CERS6: variants seen among roughly 807,000 people sequenced by gnomAD.
CERS6 encodes ceramide synthase 6, also known as LAG1 homolog, ceramide synthase 6.
A neutral mutation model predicts 56.8 loss-of-function variants in CERS6; 26 were observed. The ratio of observed to expected loss-of-function variants is 0.46; its 90% CI spans 0.34 to 0.63. The LOEUF (loss-of-function observed/expected upper bound fraction) is 0.63. Among genes scored for constraint, CERS6 ranks in the 30% least tolerant of loss-of-function variants. CERS6 has a pLI of 0.01. For synonymous variants in CERS6, 164 were observed against 173.3 expected (o/e 0.95, Z 0.42); for missense variants, 415 against 467.5 (o/e 0.89, Z 1.04).
chr2:168,639,152 T>C (rs1273556612), intron 4 of CERS6, among the ~76,000 whole-genome samples: 2 of 152,172 alleles, frequency 1.3e-5, no homozygotes, highest in African/African-American at 4.8e-5. Context: ...AAGTTTAGAG[T>C]TGAACTTGAC....
chr2:168,532,974 AATAAAT>A (rs750122204), intron 1 of CERS6, among the ~76,000 whole-genome samples: 2 of 152,214 alleles, frequency 1.3e-5, no homozygotes, highest in African/African-American at 2.4e-5. Flanking sequence ...TTACCTTTAA[AATAAAT>A]ATAAAGTGTA....
At chr2:168,457,185 C>T (rs901113945) in intron 1 of CERS6, among the ~76,000 whole-genome samples, 3 of 152,174 alleles carry the variant, frequency 2.0e-5, no homozygotes, top group African/African-American at 7.2e-5. Flanking sequence ...GGTTTTTATC[C>T]GTGAAACTAT....
intron 7 of CERS6, among the ~76,000 whole-genome samples, chr2:168,716,032 A>G (rs146225382): frequency 0.026 from 3,881 of 152,072 alleles, 85 homozygotes; most frequent in Middle Eastern, 0.065. Flanking sequence ...TCAAATAATG[A>G]CCTGTTATTG....
chr2:168,625,651 A>G (rs570867234), intron 3 of CERS6, among the ~76,000 whole-genome samples: 2 of 152,298 alleles, frequency 1.3e-5, no homozygotes, highest in South Asian at 4.1e-4. Flanking sequence ...TCAGAATTAC[A>G]GTGTTTTCCA....
At chr2:168,655,424 C>T (rs1483613250) in intron 4 of CERS6, among the ~76,000 whole-genome samples, 2 of 152,208 alleles carry the variant, frequency 1.3e-5, no homozygotes, top group Non-Finnish European at 2.9e-5. Flanking sequence ...AAGATACCTG[C>T]ACTCCCATTC....
intron 8 of CERS6, among the ~76,000 whole-genome samples, chr2:168,748,726 G>C (rs963030523): frequency 6.6e-6 from 1 of 151,896 alleles, no homozygotes; most frequent in African/African-American, 2.4e-5. Context: ...TCAGATCTCA[G>C]GCTCTGAGTT....
intron 3 of CERS6, among the ~76,000 whole-genome samples, chr2:168,587,577 C>T (rs370151861): frequency 5.4e-4 from 82 of 152,276 alleles, no homozygotes; most frequent in African/African-American, 1.4e-3. Context: ...TCTCTGTTTC[C>T]TTTGGCCAGA....
intron 8 of CERS6, 81 bp from the exon 9 acceptor site, chr2:168,765,511 G>A (rs929748874): frequency 7.0e-7 from 1 of 1,422,184 alleles, no homozygotes; most frequent in South Asian, 1.5e-5. Context: ...TGTTGACCTT[G>A]TGCTTTAATG....
intron 8 of CERS6, among the ~76,000 whole-genome samples, chr2:168,720,411 A>G (rs958152633): frequency 6.6e-6 from 1 of 152,178 alleles, no homozygotes; most frequent in South Asian, 2.1e-4. Context: ...TGGACAGTGC[A>G]TTTCCAGAAA....
At chr2:168,601,965 A>G (rs993209199) in intron 3 of CERS6, among the ~76,000 whole-genome samples, 4 of 152,212 alleles carry the variant, frequency 2.6e-5, no homozygotes, top group African/African-American at 7.2e-5. Context: ...GACTTCTAGA[A>G]AAGGAAGCAC....
At chr2:168,611,906 C>T (rs184949512) in intron 3 of CERS6, among the ~76,000 whole-genome samples, 1 of 152,270 alleles carries the variant, frequency 6.6e-6, no homozygotes, top group Admixed American at 6.5e-5. Context: ...TTCTTCAAAT[C>T]TAATAGGAGA....
At chr2:168,702,555 T>C (rs1436057197) in intron 6 of CERS6, among the ~76,000 whole-genome samples, 1 of 152,160 alleles carries the variant, frequency 6.6e-6, no homozygotes, top group Non-Finnish European at 1.5e-5. Flanking sequence ...TCTGATGAGA[T>C]TGGTAGTGAT....
intron 1 of CERS6, among the ~76,000 whole-genome samples, chr2:168,536,829 G>T (rs1276939751): frequency 6.6e-6 from 1 of 152,072 alleles, no homozygotes; most frequent in Non-Finnish European, 1.5e-5. Flanking sequence ...CATTCCTTGC[G>T]ATTTTTAATA....
intron 4 of CERS6, among the ~76,000 whole-genome samples, chr2:168,633,268 C>G (rs1366165883): frequency 1.3e-5 from 2 of 151,686 alleles, no homozygotes; most frequent in Non-Finnish European, 2.9e-5. Context: ...TCCATCCAAG[C>G]AGCACTCAAT....
intron 1 of CERS6, among the ~76,000 whole-genome samples, chr2:168,512,824 T>C (rs897962003): frequency 4.6e-5 from 7 of 151,756 alleles, no homozygotes; most frequent in East Asian, 2.0e-4. Flanking sequence ...CCCACCACCA[T>C]GCCCAGCTAA....
intron 2 of CERS6, among the ~76,000 whole-genome samples, chr2:168,548,427 C>G (rs1442861600): frequency 1.3e-5 from 2 of 152,182 alleles, no homozygotes; most frequent in African/African-American, 4.8e-5. Context: ...GTCAGAAACC[C>G]TCAGTTGAAG....
intron 1 of CERS6, among the ~76,000 whole-genome samples, chr2:168,481,153 C>T (rs558258723): frequency 2.2e-4 from 34 of 152,164 alleles, no homozygotes; most frequent in Non-Finnish European, 2.8e-4. Context: ...CAGTGGCTCA[C>T]GCCTGTAATC....
rs898681024 is a variant in CERS6, at chr2:168,773,102, G to A, written c.*3440G>A. ...ATTTCATTTCCATTTACCTGAGTTC[G>A]CTTTAAAGAGCTTTTCAAAGAGAGC... On this transcript the variant is annotated 3_prime_UTR_variant, in exon 10 of 10. Coordinates refer to ENST00000305747, the MANE Select transcript of CERS6 (RefSeq NM_203463.3). The A allele has an allele frequency of 2.6e-5, 4 of 152,086 alleles. No homozygotes were observed. The highest frequency in any genetic ancestry group is 2.1e-4 in the South Asian group (1 of 4,828). 9.4% of individuals were successfully genotyped at this position (152,086 alleles called of 1,614,324 possible).
intron 3 of CERS6, among the ~76,000 whole-genome samples, chr2:168,579,092 A>C (rs559241494): frequency 3.2e-4 from 49 of 152,214 alleles, no homozygotes; most frequent in Non-Finnish European, 2.4e-4. Context: ...AGAAGAGAGA[A>C]TAGTATAATG....
Sources: gnomAD v4.1 joint callset for allele counts (sites outside exome capture counted in the v4.1 genomes callset) on GRCh38, gnomAD v4.1.1 for gene constraint, MANE v1.5 for transcripts, NCBI Gene and HGNC (gene_info 2026-07-23, HGNC 2026-07-21) for gene names.